The following GRIK5 variants were observed in gnomAD, a reference collection of about 807,000 sequenced individuals.
GRIK5 encodes the protein glutamate ionotropic receptor kainate type subunit 5, also known as glutamate receptor ionotropic, kainate 5.
Under a neutral mutation model 97.4 loss-of-function variants are expected in GRIK5, and 43 were observed. The observed-to-expected ratio is 0.44, with a 90% confidence interval of 0.35 to 0.57. GRIK5 has a LOEUF of 0.57. Among genes scored for constraint, GRIK5 ranks in the 20% least tolerant of loss-of-function variants. The pLI is 0.01. For synonymous variants in GRIK5, 580 were observed against 583.5 expected (o/e 0.99, Z 0.09); for missense variants, 1,015 against 1,382.0 (o/e 0.73, Z 4.21).
At position 42,062,217 on chromosome 19, in the gene GRIK5, T is replaced by A. The variant is rs1342447605; in HGVS notation, c.508+271A>T. 6.6e-6 allele frequency among the ~76,000 whole-genome samples: 1 copy of A among 151,918 alleles called. No individual in the cohort carries two copies. The highest frequency in any genetic ancestry group is 1.9e-4 in the East Asian group (1 of 5,166). ...CCAATGACCTCCACTAGAACCGGAG[T>A]TCCAAGCACCCAGGGACCACGCCCA... is the stretch of plus-strand genomic sequence containing the variant. On this transcript the variant is annotated intron_variant, in intron 5 of 19. Coordinates refer to ENST00000593562, the MANE Select transcript of GRIK5 (RefSeq NM_002088.5). The surrounding 1 kb of genome is among the most constrained non-coding windows in gnomAD (Gnocchi z 5.3).
At chr19:42,019,116 A>G (rs1412907790) in intron 15 of GRIK5, among the ~76,000 whole-genome samples, 1 of 152,114 alleles carries the variant, frequency 6.6e-6, no homozygotes, top group Admixed American at 6.5e-5. Flanking sequence ...TGTGACTCTC[A>G]GGAAGAGGGC....
rs576931714 is a variant in GRIK5, at chr19:42,016,343, C to T, written c.1871+4958G>A. ...GGCTGAGCCAGGAGAATCGCTTGAA[C>T]CCGGAAGGTGGAGGTTGCAGTGAGC... is the stretch of plus-strand genomic sequence containing the variant. On this transcript the variant is annotated intron_variant, in intron 15 of 19. Transcript: ENST00000593562. Among the ~76,000 whole-genome samples, 3 of 152,314 alleles carry T rather than the reference C, an allele frequency of 2.0e-5. No homozygotes were observed. In the East Asian group the frequency reaches 5.8e-4, roughly 29 times the overall value.
At position 42,008,726 on chromosome 19, in the gene GRIK5, G is replaced by A. The variant is rs76944429; in HGVS notation, c.1872-1916C>T. On this transcript the variant is annotated intron_variant, in intron 15 of 19. Transcript: ENST00000593562. The stretch of plus-strand genomic sequence containing the variant: ...CAGACCCAGAATTGACATAGATGAT[G>A]ACGGAATTAGCAGACAAGGACATGA... Among the ~76,000 whole-genome samples, 945 of 152,236 alleles carry A rather than the reference G, an allele frequency of 6.2e-3. 10 individuals are homozygous for A. Among genetic ancestry groups the A allele is most frequent in the African/African-American group, 0.021 (890 of 41,540 alleles).
chr19:42,005,372 G>C (rs1402422749), intron 17 of GRIK5, among the ~76,000 whole-genome samples: 1 of 152,104 alleles, frequency 6.6e-6, no homozygotes, highest in Non-Finnish European at 1.5e-5. Context: ...CTCTGAGCCA[G>C]GCTATAGGAT....
chr19:42,040,826 G>A (rs1267915208), intron 12 of GRIK5, among the ~76,000 whole-genome samples: 5 of 152,040 alleles, frequency 3.3e-5, no homozygotes, highest in Non-Finnish European at 7.4e-5. Flanking sequence ...AGCAGAGATC[G>A]TGCCATTGCA....
At chr19:42,015,080 A>G (rs1290497182) in intron 15 of GRIK5, among the ~76,000 whole-genome samples, 2 of 152,236 alleles carry the variant, frequency 1.3e-5, no homozygotes, top group Non-Finnish European at 2.9e-5. Flanking sequence ...TTATATAATG[A>G]CATGGGTCAA....
At chr19:42,059,252 C>G in intron 6 of GRIK5, 97 bp downstream of exon 6, 1 of 900,340 alleles carries the variant, frequency 1.1e-6, no homozygotes, top group Non-Finnish European at 1.7e-6. Context: ...TTGAAGCCCC[C>G]TTTTGACTCC....
intron 5 of GRIK5, among the ~76,000 whole-genome samples, chr19:42,061,086 C>T (rs1224576190): frequency 2.0e-5 from 3 of 152,262 alleles, no homozygotes; most frequent in South Asian, 4.1e-4. Flanking sequence ...CTCGCTCTGT[C>T]GCCCAGGCTG....
In GRIK5 at chr19:42,021,106, G is replaced by A. The variant is rs555451595; in HGVS notation, c.1871+195C>T. 2.6e-5 allele frequency among the ~76,000 whole-genome samples: 4 copies of A among 152,248 alleles called. No homozygotes were observed. Among genetic ancestry groups the A allele is most frequent in the East Asian group, 3.9e-4 (2 of 5,180 alleles). ...GTCACTGAGGCAAAGGGAGGGTTGCGGTCTGGCCAAGCTCACATAGCCAGT... is the reference window on the plus strand; with the variant it reads ...GTCACTGAGGCAAAGGGAGGGTTGCAGTCTGGCCAAGCTCACATAGCCAGT... On this transcript the variant is annotated intron_variant, in intron 15 of 19. Coordinates refer to ENST00000593562, the MANE Select transcript of GRIK5 (RefSeq NM_002088.5). The surrounding 1 kb of genome is among the most constrained non-coding windows in gnomAD (Gnocchi z 4.2).
intron 15 of GRIK5, among the ~76,000 whole-genome samples, chr19:42,018,699 C>T (rs557522591): frequency 3.8e-5 from 3 of 78,798 alleles, no homozygotes; most frequent in African/African-American, 5.0e-5. Flanking sequence ...GGAAAAGAAA[C>T]GTTAACTCCT....
At chr19:42,044,626 G>C (rs1177562561) in intron 11 of GRIK5, among the ~76,000 whole-genome samples, 1 of 152,222 alleles carries the variant, frequency 6.6e-6, no homozygotes, top group Non-Finnish European at 1.5e-5. Flanking sequence ...TTAGGACTTA[G>C]GGAAGAGCCA....
chr19:41,998,670 C>T lies in GRIK5; in HGVS notation c.*201G>A, dbSNP rs553183426. 1.5e-3 allele frequency: 299 copies of T among 201,364 alleles called. 2 individuals are homozygous for T. Among genetic ancestry groups the T allele is most frequent in the African/African-American group, 6.8e-3 (288 of 42,600 alleles). The allele number at this position is 201,364 out of a possible 1,614,324, so 12.5% of individuals were successfully genotyped here. On this transcript the variant is annotated 3_prime_UTR_variant, in exon 20 of 20. Coordinates refer to ENST00000593562, the MANE Select transcript of GRIK5 (RefSeq NM_002088.5). Reference sequence around the variant, plus strand: ...GCGCCCTTCTCGCCCGCGGCACCCTCTCGCGAGTCCACTGGGGGGCGCAGG... The same window carrying T: ...GCGCCCTTCTCGCCCGCGGCACCCTTTCGCGAGTCCACTGGGGGGCGCAGG...
chr19:42,020,933 T>G (rs1283796907), intron 15 of GRIK5, among the ~76,000 whole-genome samples: 2 of 152,204 alleles, frequency 1.3e-5, no homozygotes, highest in Non-Finnish European at 2.9e-5. Flanking sequence ...TTGCCCAGGC[T>G]GGAGTGCAGT....
rs756590594 is a variant in GRIK5, at chr19:42,022,208, G to C, written c.1587+33C>G. On this transcript the variant is annotated intron_variant, in intron 13 of 19. Transcript: ENST00000593562. This position sits in a 1 kb window ranked among gnomAD's most constrained non-coding sequence, Gnocchi z 4.2. ...CGCAGGCCCTGAGCCTCCATGCCAG[G>C]CAAGCAGCCCATGGTCTCCAGGGGA... 5.2e-6 allele frequency: 8 copies of C among 1,546,508 alleles called. No homozygotes were observed. In the South Asian group the frequency reaches 8.9e-5, roughly 17 times the overall value.
intron 11 of GRIK5, among the ~76,000 whole-genome samples, chr19:42,052,822 G>T (rs1433637363): frequency 6.6e-6 from 1 of 152,210 alleles, no homozygotes; most frequent in African/African-American, 2.4e-5. Context: ...CCTGGCAGGA[G>T]TCAGCATGGT....
intron 12 of GRIK5, among the ~76,000 whole-genome samples, chr19:42,027,477 T>C (rs969104248): frequency 6.6e-6 from 1 of 152,186 alleles, no homozygotes; most frequent in Non-Finnish European, 1.5e-5. Flanking sequence ...GCCAAGAGCC[T>C]GGCAGGGCCT....
chr19:42,017,633 C>A (rs1285052799), intron 15 of GRIK5, among the ~76,000 whole-genome samples: 1 of 152,168 alleles, frequency 6.6e-6, no homozygotes, highest in Admixed American at 6.5e-5. Flanking sequence ...CAGGAGGACA[C>A]AGAGCCTAGA....
chr19:42,064,617 C>T (rs1419213112), intron 3 of GRIK5, among the ~76,000 whole-genome samples: 1 of 152,202 alleles, frequency 6.6e-6, no homozygotes, highest in Non-Finnish European at 1.5e-5. Flanking sequence ...TCTTACTGAT[C>T]TGAAACATAC....
intron 15 of GRIK5, among the ~76,000 whole-genome samples, chr19:42,020,347 A>T (rs2075681991): frequency 6.6e-6 from 1 of 152,222 alleles, no homozygotes; most frequent in Admixed American, 6.5e-5. Context: ...GTGTTGATTT[A>T]TCTGTTTACT....
Sources: gnomAD v4.1 joint callset for allele counts (sites outside exome capture counted in the v4.1 genomes callset) on GRCh38, gnomAD v4.1.1 for gene constraint, Gnocchi (gnomAD v3.1) non-coding constraint, MANE v1.5 for transcripts, NCBI Gene and HGNC (gene_info 2026-07-23, HGNC 2026-07-21) for gene names.